STYXL2: variants seen among roughly 807,000 people sequenced by gnomAD.
The protein encoded by STYXL2 is serine/threonine/tyrosine interacting like 2, also known as serine/threonine/tyrosine-interacting-like protein 2.
In STYXL2, 44 loss-of-function variants were observed where a neutral mutation model predicts 52.4. The ratio of observed to expected loss-of-function variants is 0.84; its 90% CI spans 0.66 to 1.08. The LOEUF (loss-of-function observed/expected upper bound fraction) is 1.08. STYXL2 is among the 50% of genes least tolerant of loss of function. The probability of loss-of-function intolerance (pLI) is 0.00; values close to 1 mark genes in which losing one functional copy is unlikely to be tolerated. For missense variants in STYXL2, 1,604 were observed against 1,471.7 expected, an observed-to-expected ratio of 1.09 and a Z score of -1.47; for synonymous variants, 604 against 586.9, an observed-to-expected ratio of 1.03 and a Z score of -0.42.
At chr1:167,120,341 A>G (rs561932697) in intron 5 of STYXL2, among the ~76,000 whole-genome samples, 1 of 152,336 alleles carries the variant, frequency 6.6e-6, no homozygotes, top group South Asian at 2.1e-4. Flanking sequence ...GCTACACTGT[A>G]TATACAATGT....
intron 2 of STYXL2, among the ~76,000 whole-genome samples, chr1:167,111,319 C>T (rs1667611470): frequency 6.6e-6 from 1 of 151,600 alleles, no homozygotes; most frequent in East Asian, 1.9e-4. Flanking sequence ...TCCAGCAATC[C>T]CACTCCTGAG....
chr1:167,126,081 A>T lies in STYXL2; in HGVS notation c.950A>T (p.Glu317Val). ...ARVHALTVEE[E>V]DDSASHLSGS... ...GTGCACGCCCTGACGGTGGAAGAGG[A>T]GGACGACAGCGCCAGCCACCTGAGT... The change falls in exon 6 of 6, where the codon GAG becomes GTG. Residue 317 changes from glutamate to valine, a missense_variant. Physicochemically the swap from Glu to Val is moderately radical, Grantham distance 121. Coordinates refer to ENST00000361200, the MANE Select transcript of STYXL2 (RefSeq NM_001080426.3). The T allele has an allele frequency of 6.5e-7, 1 of 1,535,516 alleles. No individual in the cohort carries two copies. The highest frequency in any genetic ancestry group is 8.8e-7 in the Non-Finnish European group (1 of 1,142,430).
At chr1:167,094,788 TCA>T (rs1667246091) in intron 1 of STYXL2, 44 bp from the exon 2 acceptor site, 1 of 1,380,274 alleles carries the variant, frequency 7.2e-7, no homozygotes, top group East Asian at 2.4e-5. Flanking sequence ...CAACAAAACC[TCA>T]GGAACCTAAT....
chr1:167,120,452 A>G (rs1379346063), intron 5 of STYXL2, among the ~76,000 whole-genome samples: 1 of 152,162 alleles, frequency 6.6e-6, no homozygotes, highest in Non-Finnish European at 1.5e-5. Flanking sequence ...AAAAATGCAT[A>G]TAAAATAACT....
chr1:167,112,091 C>G (rs890509442), intron 2 of STYXL2, among the ~76,000 whole-genome samples: 1 of 152,156 alleles, frequency 6.6e-6, no homozygotes, highest in Admixed American at 6.6e-5. Context: ...GAACAAAGCT[C>G]ACCCTTAATC....
intron 5 of STYXL2, among the ~76,000 whole-genome samples, 181 bp from the exon 6 acceptor site, chr1:167,125,606 G>C (rs1210859734): frequency 6.6e-6 from 1 of 152,138 alleles, no homozygotes; most frequent in East Asian, 1.9e-4. Context: ...TCTCCCATCT[G>C]TAATATGGGG....
rs762325833 is a variant in STYXL2, at chr1:167,127,114, G to T, written c.1983G>T (p.Ala661=). ...CCAGCGGGAGCATTCCCCTGTCTGC[G>T]TTCTGGTCTGCAGACCCCTCAGTCA... ...STASGSIPLS[A]FWSADPSVSA... Residue 661 remains alanine, a synonymous_variant, in exon 6 of 6, where the codon GCG becomes GCT. Coordinates refer to ENST00000361200, the MANE Select transcript of STYXL2 (RefSeq NM_001080426.3). 2.5e-6 allele frequency: 4 copies of T among 1,613,900 alleles called. No individual in the cohort carries two copies. Among genetic ancestry groups the T allele is most frequent in the Middle Eastern group, 1.6e-4 (1 of 6,084 alleles).
At chr1:167,101,071 T>C (rs965375566) in intron 2 of STYXL2, among the ~76,000 whole-genome samples, 1 of 152,228 alleles carries the variant, frequency 6.6e-6, no homozygotes, top group African/African-American at 2.4e-5. Flanking sequence ...TCAAATTACA[T>C]ATCTGATAAA....
intron 3 of STYXL2, 108 bp downstream of exon 3, chr1:167,113,912 C>T (rs749150077): frequency 3.3e-5 from 28 of 849,734 alleles, no homozygotes; most frequent in South Asian, 1.6e-4. Flanking sequence ...CTGCCCATCA[C>T]GTTAGGAAGA....
intron 5 of STYXL2, among the ~76,000 whole-genome samples, chr1:167,124,417 AT>A (rs1169848350): frequency 6.6e-6 from 1 of 152,058 alleles, no homozygotes; most frequent in Non-Finnish European, 1.5e-5. Context: ...TTTTAACTGA[AT>A]TAGCAAACAT....
intron 3 of STYXL2, 89 bp from the exon 4 acceptor site, chr1:167,117,239 C>T: frequency 8.3e-7 from 1 of 1,206,938 alleles, no homozygotes; most frequent in Non-Finnish European, 1.2e-6. Context: ...ATCCTGGCAG[C>T]AAACTGGCCA....
intron 2 of STYXL2, among the ~76,000 whole-genome samples, chr1:167,098,217 G>C (rs1418859379): frequency 6.6e-6 from 1 of 151,908 alleles, no homozygotes; most frequent in African/African-American, 2.4e-5. Context: ...TCACCATGTT[G>C]GTCAGCATTG....
At chr1:167,125,157 T>C (rs1667936234) in intron 5 of STYXL2, among the ~76,000 whole-genome samples, 1 of 152,208 alleles carries the variant, frequency 6.6e-6, no homozygotes, top group South Asian at 2.1e-4. Context: ...AATGTATCCA[T>C]AGTTGACTTT....
chr1:167,116,438 C>T (rs1305117997), intron 3 of STYXL2, among the ~76,000 whole-genome samples: 1 of 152,100 alleles, frequency 6.6e-6, no homozygotes. Flanking sequence ...TAGGTCCTTA[C>T]ATTCTAGTAG....
rs549145439 is a variant in STYXL2, at chr1:167,115,011, C to A, written c.205+1207C>A. On this transcript the variant is annotated intron_variant, in intron 3 of 5. Coordinates refer to ENST00000361200, the MANE Select transcript of STYXL2 (RefSeq NM_001080426.3). ...GTGGACCATTCTCCATGTTTTGGTT[C>A]TTGATAAGTAAAAGTCCAGCTTTAG... 1.4e-4 allele frequency among the ~76,000 whole-genome samples: 22 copies of A among 152,156 alleles called. No individual in the cohort carries two copies. The South Asian group carries it at 4.6e-3, about 32-fold the overall frequency.
At chr1:167,116,951 G>T (rs766028519) in intron 3 of STYXL2, among the ~76,000 whole-genome samples, 105 of 152,264 alleles carry the variant, frequency 6.9e-4, no homozygotes, top group Non-Finnish European at 1.2e-3. Context: ...CGCCTGGCTG[G>T]TAAACACTTC....
In STYXL2 at chr1:167,098,304, C is replaced by T. The variant is rs115522670; in HGVS notation, c.110+3345C>T. On this transcript the variant is annotated intron_variant, in intron 2 of 5. Coordinates refer to ENST00000361200, the MANE Select transcript of STYXL2 (RefSeq NM_001080426.3). Reference sequence around the variant, plus strand: ...GATTACAGATGTGAGCCACCACGCCCGGCCCAAACTTTTTTTAAGAAATTA... The same window carrying T: ...GATTACAGATGTGAGCCACCACGCCTGGCCCAAACTTTTTTTAAGAAATTA... Among the ~76,000 whole-genome samples the T allele has an allele frequency of 3.0e-3, 456 of 152,094 alleles. 2 individuals are homozygous for T. Among genetic ancestry groups the T allele is most frequent in the African/African-American group, 0.011 (439 of 41,494 alleles).
chr1:167,119,107 T>G, intron 4 of STYXL2, 142 bp from the exon 5 acceptor site: 1 of 700,174 alleles, frequency 1.4e-6, no homozygotes, highest in East Asian at 2.7e-5. Context: ...GTATTTGCAG[T>G]GATCCCCAGA....
chr1:167,103,840 A>T (rs1012256587), intron 2 of STYXL2, among the ~76,000 whole-genome samples: 1 of 152,174 alleles, frequency 6.6e-6, no homozygotes, highest in African/African-American at 2.4e-5. Context: ...GTAAGTGCAC[A>T]GCCGGGCGCG....
Sources: gnomAD v4.1 joint callset for allele counts (sites outside exome capture counted in the v4.1 genomes callset) on GRCh38, gnomAD v4.1.1 for gene constraint, MANE v1.5 for transcripts, NCBI Gene and HGNC (gene_info 2026-07-23, HGNC 2026-07-21) for gene names.